FGF12: variants seen among roughly 807,000 people sequenced by gnomAD.
The protein encoded by FGF12 is fibroblast growth factor 12B.
In FGF12, 14 loss-of-function variants were observed where a neutral mutation model predicts 23.6. The ratio of observed to expected loss-of-function variants is 0.59; its 90% CI spans 0.39 to 0.93. The LOEUF (loss-of-function observed/expected upper bound fraction) is 0.93. FGF12 is among the 40% of genes least tolerant of loss of function. The pLI, the probability that FGF12 is intolerant of heterozygous loss-of-function variation, is 0.00. For missense variants in FGF12, 175 were observed against 217.8 expected, an observed-to-expected ratio of 0.80 and a Z score of 1.24; for synonymous variants, 62 against 77.3, an observed-to-expected ratio of 0.80 and a Z score of 1.04.
At chr3:192,485,849 A>G (rs1045230931) in intron 2 of FGF12, among the ~76,000 whole-genome samples, 3 of 152,204 alleles carry the variant, frequency 2.0e-5, no homozygotes, top group African/African-American at 7.2e-5. Context: ...GTCATTAAAC[A>G]TTAAATTAAT....
At chr3:192,454,046 T>G (rs1031364890) in intron 2 of FGF12, among the ~76,000 whole-genome samples, 1 of 151,840 alleles carries the variant, frequency 6.6e-6, no homozygotes, top group African/African-American at 2.4e-5. Context: ...TTTTTTTTTG[T>G]TTTGTTTTTT....
At chr3:192,490,852 T>G (rs1420727146) in intron 2 of FGF12, among the ~76,000 whole-genome samples, 1 of 152,122 alleles carries the variant, frequency 6.6e-6, no homozygotes, top group African/African-American at 2.4e-5. Context: ...GATGGTGTCA[T>G]CGCAAGATAA....
At chr3:192,395,245 A>T (rs1425357734) in intron 2 of FGF12, among the ~76,000 whole-genome samples, 1 of 152,190 alleles carries the variant, frequency 6.6e-6, no homozygotes, top group Non-Finnish European at 1.5e-5. Context: ...GGGTGCTCTG[A>T]TAAGAAAGAG....
chr3:192,475,682 T>A (rs1015258556), intron 2 of FGF12, among the ~76,000 whole-genome samples: 15 of 152,216 alleles, frequency 9.9e-5, no homozygotes, highest in African/African-American at 3.6e-4. Flanking sequence ...CTAGACCAAA[T>A]CTTCTCATAT....
intron 2 of FGF12, among the ~76,000 whole-genome samples, chr3:192,622,501 G>A (rs191617203): frequency 1.6e-4 from 25 of 152,138 alleles, no homozygotes; most frequent in African/African-American, 6.0e-4. Flanking sequence ...ACCAGTCAGT[G>A]GGAGTCACTG....
intron 4 of FGF12, among the ~76,000 whole-genome samples, chr3:192,287,634 G>A (rs1436434671): frequency 6.6e-6 from 1 of 151,956 alleles, no homozygotes; most frequent in Non-Finnish European, 1.5e-5. Context: ...GCAAATGATT[G>A]CAAAACCTTC....
At chr3:192,366,370 C>T (rs1484940869) in intron 2 of FGF12, among the ~76,000 whole-genome samples, 2 of 152,062 alleles carry the variant, frequency 1.3e-5, no homozygotes, top group Middle Eastern at 6.3e-3. Flanking sequence ...ATATAAACTC[C>T]AATCTAAAAT....
chr3:192,440,713 C>T (rs534160087), intron 2 of FGF12, among the ~76,000 whole-genome samples: 1 of 152,172 alleles, frequency 6.6e-6, no homozygotes, highest in Non-Finnish European at 1.5e-5. Context: ...ACTCTCTTTA[C>T]TCTTCTAAGA....
chr3:192,169,816 C>A (rs1715439065), intron 5 of FGF12, among the ~76,000 whole-genome samples: 1 of 139,726 alleles, frequency 7.2e-6, no homozygotes, highest in African/African-American at 2.9e-5. Context: ...AGCCTAGCTG[C>A]CAAAAATCGG....
chr3:192,276,010 A>G (rs1713760179), intron 4 of FGF12, among the ~76,000 whole-genome samples: 1 of 152,198 alleles, frequency 6.6e-6, no homozygotes, highest in East Asian at 1.9e-4. Flanking sequence ...ATATAAAACC[A>G]ACACCTACTG....
intron 2 of FGF12, among the ~76,000 whole-genome samples, chr3:192,574,068 C>T (rs74559493): frequency 6.4e-4 from 98 of 152,300 alleles, no homozygotes; most frequent in African/African-American, 2.3e-3. Context: ...TAAACATTAT[C>T]GTTGAGCTAT....
chr3:192,305,618 C>T (rs1715582166), intron 4 of FGF12, among the ~76,000 whole-genome samples: 1 of 142,046 alleles, frequency 7.0e-6, no homozygotes, highest in African/African-American at 2.6e-5. Context: ...AACTCCTGCA[C>T]ATGATAGAAC....
At chr3:192,447,546 A>G (rs554476252) in intron 2 of FGF12, among the ~76,000 whole-genome samples, 2 of 152,326 alleles carry the variant, frequency 1.3e-5, no homozygotes, top group South Asian at 2.1e-4. Context: ...TTTTCTAGAC[A>G]TTTGGTTTAC....
At chr3:192,587,754 A>G (rs1713430129) in intron 2 of FGF12, among the ~76,000 whole-genome samples, 1 of 151,780 alleles carries the variant, frequency 6.6e-6, no homozygotes, top group Admixed American at 6.6e-5. Context: ...TCAGGACTTC[A>G]AGGTTACAGG....
At chr3:192,276,968 C>T (rs1394924352) in intron 4 of FGF12, among the ~76,000 whole-genome samples, 1 of 152,208 alleles carries the variant, frequency 6.6e-6, no homozygotes, top group Non-Finnish European at 1.5e-5. Flanking sequence ...CATATTTCTA[C>T]AGGATACTGT....
At chr3:192,570,650 C>T (rs1288582305) in intron 2 of FGF12, among the ~76,000 whole-genome samples, 3 of 152,020 alleles carry the variant, frequency 2.0e-5, no homozygotes, top group South Asian at 4.1e-4. Flanking sequence ...ATTCATAGCA[C>T]CATATTGTCT....
At position 192,409,493 on chromosome 3, in the gene FGF12, C is replaced by G. The variant is rs977408411; in HGVS notation, c.14-48955G>C. Among the ~76,000 whole-genome samples, 8 of 152,188 alleles carry G rather than the reference C, an allele frequency of 5.3e-5. No individual in the cohort carries two copies. Among genetic ancestry groups the G allele is most frequent in the Non-Finnish European group, 7.3e-5 (5 of 68,034 alleles). ...CCCGTGCCCCCTAGGCTCGCGCGCC[C>G]CGGCAGTCAGCAGCTCACAGGCAGC... On this transcript the variant is annotated intron_variant, in intron 2 of 5. Transcript: ENST00000445105. This position sits in a 1 kb window ranked among gnomAD's most constrained non-coding sequence, Gnocchi z 4.8.
intron 4 of FGF12, among the ~76,000 whole-genome samples, chr3:192,178,558 G>A (rs372649723): frequency 2.0e-5 from 3 of 152,050 alleles, no homozygotes; most frequent in African/African-American, 7.2e-5. Flanking sequence ...GAGTGCAGTG[G>A]CACGATCTCG....
intron 2 of FGF12, among the ~76,000 whole-genome samples, chr3:192,549,603 G>A (rs1051334645): frequency 1.3e-5 from 2 of 151,994 alleles, no homozygotes; most frequent in African/African-American, 4.8e-5. Context: ...CATTATTCTG[G>A]GTATGACTAT....
Sources: allele counts gnomAD v4.1 joint callset (sites outside exome capture counted in the v4.1 genomes callset), GRCh38; gene constraint gnomAD v4.1.1; non-coding constraint Gnocchi (gnomAD v3.1); transcripts MANE v1.5; gene names NCBI Gene and HGNC (gene_info 2026-07-23, HGNC 2026-07-21).